The following VIPAS39 variants were observed in gnomAD, a reference collection of about 807,000 sequenced individuals.
The protein encoded by VIPAS39 is VPS33B interacting protein, apical-basolateral polarity regulator, spe-39 homolog, also known as spermatogenesis-defective protein 39 homolog.
A neutral mutation model predicts 84.7 loss-of-function variants in VIPAS39; 63 were observed. That is an observed-to-expected ratio of 0.74 (90% CI 0.61 to 0.92). The LOEUF is 0.92. Among genes scored for constraint, VIPAS39 ranks in the 40% least tolerant of loss-of-function variants. VIPAS39 has a pLI of 0.00. For missense variants in VIPAS39, 499 were observed against 604.5 expected, an observed-to-expected ratio of 0.83 and a Z score of 1.83; for synonymous variants, 192 against 216.5, an observed-to-expected ratio of 0.89 and a Z score of 0.99.
chr14:77,430,745 G>A (rs911093146), intron 16 of VIPAS39, among the ~76,000 whole-genome samples: 1 of 147,760 alleles, frequency 6.8e-6, no homozygotes, highest in Non-Finnish European at 1.5e-5. Flanking sequence ...AAAAGGGGGG[G>A]TAGGGGTAGG....
In VIPAS39 at chr14:77,434,220, C is replaced by T. The variant is rs374264167; in HGVS notation, c.1089+42G>A. 161 of 1,584,570 alleles carry T rather than the reference C, an allele frequency of 1.0e-4. No homozygotes were observed. The African/African-American group carries it at 2.0e-3, about 20-fold the overall frequency. On this transcript the variant is annotated intron_variant, in intron 15 of 19. Transcript: ENST00000557658. Reference sequence around the variant, plus strand: ...AAGCAACATCCACTCCATGTAGTTACCCTGATCACTAGTTTCATAACACTG... The same window carrying T: ...AAGCAACATCCACTCCATGTAGTTATCCTGATCACTAGTTTCATAACACTG...
intron 10 of VIPAS39, 195 bp from the exon 11 acceptor site, chr14:77,441,288 C>T (rs1594907541): frequency 1.7e-6 from 1 of 578,786 alleles, no homozygotes; most frequent in African/African-American, 1.9e-5. Flanking sequence ...CAAGAAGGTA[C>T]TGCAAGGAAC....
At chr14:77,434,051 A>G in intron 15 of VIPAS39, 120 bp from the exon 16 acceptor site, 1 of 1,312,758 alleles carries the variant, frequency 7.6e-7, no homozygotes, top group Non-Finnish European at 1.1e-6. Flanking sequence ...CCCCTTAAAA[A>G]TCAAAAAATT....
At position 77,453,311 on chromosome 14, in the gene VIPAS39, C is replaced by G; in HGVS notation, c.184G>C (p.Glu62Gln). Residue 62 changes from glutamate to glutamine, a missense_variant, in exon 3 of 20, where the codon GAA becomes CAA. Coordinates refer to ENST00000557658, the MANE Select transcript of VIPAS39 (RefSeq NM_001193315.2). ...CTCTTCTACTTACTTCCCACAGGTT[C>G]CCCACTCCAGCTGACTCGCTCCAGG... ...DDLERVSWSG[E>Q]PVGSISWSIR... 6.2e-7 allele frequency: 1 copy of G among 1,614,116 alleles called. No homozygotes were observed. Among genetic ancestry groups the G allele is most frequent in the Non-Finnish European group, 8.5e-7 (1 of 1,179,992 alleles).
intron 8 of VIPAS39, among the ~76,000 whole-genome samples, chr14:77,444,006 A>G (rs543246378): frequency 6.7e-6 from 1 of 149,656 alleles, no homozygotes; most frequent in South Asian, 2.1e-4. Flanking sequence ...ACACCACTGC[A>G]CTTCAACCTG....
intron 1 of VIPAS39, among the ~76,000 whole-genome samples, chr14:77,456,542 A>G (rs1315888971): frequency 6.6e-6 from 1 of 152,240 alleles, no homozygotes; most frequent in Non-Finnish European, 1.5e-5. Flanking sequence ...GGCACAAAAG[A>G]GTTCAGTATC....
rs1281393459 is a variant in VIPAS39 at position 77,453,353 on chromosome 14, C to G, written c.142G>C (p.Asp48His). The change falls in exon 3 of 20, where the codon GAT becomes CAT. Residue 48 changes from aspartate to histidine, a missense_variant. Physicochemically the swap from Asp to His is moderately conservative, Grantham distance 81. Transcript: ENST00000557658. The stretch of plus-strand genomic sequence containing the variant: ...CGCTCCAGGTCATCATCGTCATCAT[C>G]ATCCACGAAGTCTCGGAGGCTGTTC... The part of the protein sequence containing the change: ...AVNSLRDFVD[D>H]DDDDDLERVS... The G allele has an allele frequency of 6.2e-7, 1 of 1,614,158 alleles. No individual in the cohort carries two copies. Among genetic ancestry groups the G allele is most frequent in the South Asian group, 1.1e-5 (1 of 91,078 alleles).
chr14:77,438,226 A>ATTTTT (rs34877078), intron 11 of VIPAS39, among the ~76,000 whole-genome samples: 1 of 132,018 alleles, frequency 7.6e-6, no homozygotes, highest in Non-Finnish European at 1.7e-5. Context: ...AATATGGAAA[A>ATTTTT]TTTTTTTTTT....
chr14:77,429,735 G>A lies in VIPAS39; in HGVS notation c.1212C>T (p.Pro404=), dbSNP rs780159618. ...TTTCGACAACCCGATGGAAGCCAAT[G>A]GGTGCTCTCTTCTTGGTATAGCCCA... ...NWLGYTKKRA[P]IGFHRVVEIL... The change falls in exon 17 of 20, where the codon CCC becomes CCT. Residue 404 remains proline (P), a synonymous_variant. Coordinates refer to ENST00000557658, the MANE Select transcript of VIPAS39 (RefSeq NM_001193315.2). 6.2e-7 allele frequency: 1 copy of A among 1,614,186 alleles called. No individual in the cohort carries two copies. The highest frequency in any genetic ancestry group is 1.1e-5 in the South Asian group (1 of 91,084).
chr14:77,429,654 T>C, intron 17 of VIPAS39, 27 bp downstream of exon 17: 2 of 1,609,096 alleles, frequency 1.2e-6, no homozygotes, highest in East Asian at 4.5e-5. Context: ...GAATATCCTG[T>C]ACCCAACTCT....
At chr14:77,436,252 G>A (rs1301238961) in intron 12 of VIPAS39, among the ~76,000 whole-genome samples, 2 of 152,176 alleles carry the variant, frequency 1.3e-5, no homozygotes, top group Middle Eastern at 6.3e-3. Context: ...CTAGGCAACT[G>A]CCCATCATCC....
At chr14:77,453,432 G>T in intron 2 of VIPAS39, 31 bp from the exon 3 acceptor site, 1 of 1,599,886 alleles carries the variant, frequency 6.3e-7, no homozygotes, top group Non-Finnish European at 8.6e-7. Context: ...AGGGTGCTCA[G>T]GCAAATCATC....
intron 16 of VIPAS39, among the ~76,000 whole-genome samples, chr14:77,431,325 T>C (rs771082257): frequency 5.9e-5 from 9 of 152,072 alleles, no homozygotes; most frequent in Admixed American, 1.3e-4. Context: ...CACAATGCAA[T>C]AGCAGAAACA....
At chr14:77,437,531 A>G (rs1321311519) in intron 12 of VIPAS39, among the ~76,000 whole-genome samples, 4 of 152,212 alleles carry the variant, frequency 2.6e-5, no homozygotes, top group Admixed American at 2.6e-4. Flanking sequence ...ACAAAATCCT[A>G]CAATAAAAGA....
intron 1 of VIPAS39, 103 bp from the exon 2 acceptor site, chr14:77,454,205 G>C: frequency 9.4e-7 from 1 of 1,058,726 alleles, no homozygotes; most frequent in Non-Finnish European, 1.5e-6. Flanking sequence ...AAAAATCAAG[G>C]ATGCAGAAAA....
At chr14:77,457,194 C>T in intron 1 of VIPAS39, 1 of 1,498,874 alleles carries the variant, frequency 6.7e-7, no homozygotes, top group Admixed American at 2.1e-5. Context: ...TAGGATGACT[C>T]TACGGGTGAA....
At chr14:77,434,134 C>A (rs1204232393) in intron 15 of VIPAS39, 128 bp downstream of exon 15, 14 of 1,237,710 alleles carry the variant, frequency 1.1e-5, no homozygotes, top group Non-Finnish European at 1.6e-5. Context: ...CTCACTTTCC[C>A]AAACTCATTC....
intron 7 of VIPAS39, among the ~76,000 whole-genome samples, chr14:77,447,274 C>G (rs1048581656): frequency 6.6e-6 from 1 of 151,768 alleles, no homozygotes; most frequent in African/African-American, 2.4e-5. Context: ...ATCTGCCTGT[C>G]TTGGCCTTCC....
chr14:77,444,528 G>A (rs941988798), intron 7 of VIPAS39, among the ~76,000 whole-genome samples, 187 bp from the exon 8 acceptor site: 1 of 152,176 alleles, frequency 6.6e-6, no homozygotes, highest in African/African-American at 2.4e-5. Context: ...TCAGCCTGCT[G>A]CCCTATAAGA....
Sources: allele counts gnomAD v4.1 joint callset (sites outside exome capture counted in the v4.1 genomes callset), GRCh38; gene constraint gnomAD v4.1.1; transcripts MANE v1.5; gene names NCBI Gene and HGNC (gene_info 2026-07-23, HGNC 2026-07-21).